SIMC1: variants seen among roughly 807,000 people sequenced by gnomAD.
SIMC1 encodes the protein SUMO interacting motifs containing 1.
In SIMC1, 55 loss-of-function variants were observed where a neutral mutation model predicts 82.3. That is an observed-to-expected ratio of 0.67 (90% confidence interval 0.54 to 0.84). The LOEUF (loss-of-function observed/expected upper bound fraction) is 0.84. Ranked by LOEUF, SIMC1 falls within the 40% of genes least tolerant of loss-of-function variation. The pLI is 0.00. For missense variants in SIMC1, 915 were observed against 1,107.2 expected, an observed-to-expected ratio of 0.83 and a Z score of 2.46; for synonymous variants, 353 against 426.3, an observed-to-expected ratio of 0.83 and a Z score of 2.12.
chr5:176,276,098 A>C (rs1324831002), intron 1 of SIMC1, among the ~76,000 whole-genome samples: 2 of 151,284 alleles, frequency 1.3e-5, no homozygotes, highest in Non-Finnish European at 3.0e-5. Context: ...AATCCATCTG[A>C]TCCTGAACTC....
chr5:176,287,378 G>A (rs1257167197), intron 1 of SIMC1, among the ~76,000 whole-genome samples: 1 of 152,110 alleles, frequency 6.6e-6, no homozygotes. Flanking sequence ...CTATCGCAAG[G>A]ACAGAAAACC....
intron 1 of SIMC1, among the ~76,000 whole-genome samples, chr5:176,259,823 A>G (rs993903990): frequency 2.6e-5 from 4 of 151,680 alleles, no homozygotes; most frequent in African/African-American, 9.7e-5. Context: ...ATTCTTATGT[A>G]AGAACCTGCC....
intron 9 of SIMC1, 42 bp downstream of exon 9, chr5:176,337,188 A>C: frequency 2.4e-5 from 36 of 1,507,174 alleles, no homozygotes; most frequent in Non-Finnish European, 3.1e-5. Flanking sequence ...GGAAGGTCTC[A>C]ATGGACATTT....
chr5:176,306,050 C>G (rs1764358555), intron 4 of SIMC1, among the ~76,000 whole-genome samples: 1 of 83,098 alleles, frequency 1.2e-5, no homozygotes, highest in Non-Finnish European at 2.6e-5. Context: ...GTCAGCCCCC[C>G]CGCCCGGCCA....
chr5:176,323,898 G>A (rs1328591206), intron 6 of SIMC1, among the ~76,000 whole-genome samples: 1 of 150,664 alleles, frequency 6.6e-6, no homozygotes, highest in Non-Finnish European at 1.5e-5. Flanking sequence ...TGAGGCAGGA[G>A]AATGGAGTGA....
intron 1 of SIMC1, among the ~76,000 whole-genome samples, chr5:176,257,450 A>G (rs1222313391): frequency 2.0e-5 from 3 of 152,198 alleles, no homozygotes; most frequent in Non-Finnish European, 2.9e-5. Context: ...GAAGCTTACA[A>G]TCATGGTGGA....
chr5:176,274,872 T>TAGG (rs1762616064), intron 1 of SIMC1, among the ~76,000 whole-genome samples: 1 of 151,886 alleles, frequency 6.6e-6, no homozygotes, highest in South Asian at 2.1e-4. Context: ...CTCTTTTGGT[T>TAGG]ACTGTAGCCT....
intron 4 of SIMC1, among the ~76,000 whole-genome samples, chr5:176,297,502 CAA>C (rs896827211): frequency 4.7e-3 from 169 of 35,904 alleles, no homozygotes; most frequent in African/African-American, 0.014. Flanking sequence ...AACTCTGTCT[CAA>C]AAAAAAAAAA....
intron 1 of SIMC1, among the ~76,000 whole-genome samples, chr5:176,268,865 C>T (rs1247833957): frequency 1.3e-5 from 2 of 152,296 alleles, no homozygotes; most frequent in African/African-American, 4.8e-5. Flanking sequence ...ATACAGAATA[C>T]ACTTTTTCTC....
intron 1 of SIMC1, among the ~76,000 whole-genome samples, chr5:176,263,243 A>G (rs1425375402): frequency 1.3e-5 from 2 of 152,230 alleles, no homozygotes; most frequent in African/African-American, 2.4e-5. Context: ...TGCAATCCCA[A>G]TCGAAATCCC....
chr5:176,320,344 T>C (rs1431801653), intron 5 of SIMC1, among the ~76,000 whole-genome samples: 1 of 34,554 alleles, frequency 2.9e-5, no homozygotes, highest in Non-Finnish European at 1.1e-4. Flanking sequence ...TATTTATTTA[T>C]TTATTTATTT....
intron 7 of SIMC1, among the ~76,000 whole-genome samples, chr5:176,332,822 G>A (rs953394627): frequency 6.6e-6 from 1 of 151,970 alleles, no homozygotes; most frequent in Non-Finnish European, 1.5e-5. Context: ...CAAAACTATA[G>A]TACAGTATCA....
At chr5:176,240,604 G>A (rs1490769166) in intron 1 of SIMC1, among the ~76,000 whole-genome samples, 2 of 93,974 alleles carry the variant, frequency 2.1e-5, no homozygotes, top group African/African-American at 4.0e-5. Context: ...GCTTATTCTC[G>A]TTTTATCTTT....
chr5:176,294,691 C>T (rs1325705401), intron 2 of SIMC1, among the ~76,000 whole-genome samples: 5 of 151,544 alleles, frequency 3.3e-5, no homozygotes, highest in Non-Finnish European at 5.9e-5. Flanking sequence ...GGCTCGGCGC[C>T]GTGGCTCACA....
chr5:176,338,187 T>C (rs913552235), intron 9 of SIMC1, among the ~76,000 whole-genome samples: 1 of 152,182 alleles, frequency 6.6e-6, no homozygotes, highest in African/African-American at 2.4e-5. Context: ...TGACCTTTTA[T>C]AAAATAACTG....
chr5:176,336,938 C>T (rs1163481128), intron 8 of SIMC1, 62 bp downstream of exon 8: 20 of 1,603,886 alleles, frequency 1.2e-5, no homozygotes, highest in Non-Finnish European at 1.6e-5. Context: ...GGCCCGAACC[C>T]TTCCCATAGG....
At chr5:176,322,656 G>C in intron 6 of SIMC1, 1 of 480,710 alleles carries the variant, frequency 2.1e-6, no homozygotes, top group Non-Finnish European at 3.7e-6. Flanking sequence ...TGAATACGAA[G>C]TCACAACGCA....
At position 176,345,297 on chromosome 5, in the gene SIMC1, C is replaced by T. The variant is rs62402468; in HGVS notation, c.2528C>T (p.Ala843Val). 8 of 1,614,014 alleles carry T rather than the reference C, an allele frequency of 5.0e-6. No homozygotes were observed. In the South Asian group the frequency reaches 7.7e-5, roughly 16 times the overall value. Reference protein sequence around the residue: ...TVVDVEKQIEAFRSRLIQMLG... With the variant: ...TVVDVEKQIEVFRSRLIQMLG... ...GTAGACGTAGAGAAGCAGATTGAGG[C>T]CTTCCGCAGCCGCCTGATCCAGATG... The change falls in exon 10 of 10, where the codon GCC becomes GTC. Residue 843 changes from alanine (A) to valine (V), a missense_variant. Transcript: ENST00000429602.
At chr5:176,305,910 T>C (rs868394320) in intron 4 of SIMC1, among the ~76,000 whole-genome samples, 66 of 32,448 alleles carry the variant, frequency 2.0e-3, no homozygotes, top group Admixed American at 3.6e-3. Context: ...TGAGGGGCGC[T>C]TCTGCCCGGC....
Sources: allele counts gnomAD v4.1 joint callset (sites outside exome capture counted in the v4.1 genomes callset), GRCh38; gene constraint gnomAD v4.1.1; transcripts MANE v1.5; gene names NCBI Gene and HGNC (gene_info 2026-07-23, HGNC 2026-07-21).